MAF: variants seen among roughly 807,000 people sequenced by gnomAD.
The protein encoded by MAF is MAF bZIP transcription factor.
MAF carries 10 observed loss-of-function variants against 22.0 expected under a neutral mutation model. The ratio of observed to expected loss-of-function variants is 0.45; its 90% CI spans 0.28 to 0.77. The LOEUF (loss-of-function observed/expected upper bound fraction) is 0.77, where lower values mean the gene tolerates loss of function less well. Among genes scored for constraint, MAF ranks in the 30% least tolerant of loss-of-function variants. The pLI, the probability that MAF is intolerant of heterozygous loss-of-function variation, is 0.12. For synonymous variants in MAF, 337 were observed against 255.8 expected (o/e 1.32, Z -3.03); for missense variants, 544 against 548.4 (o/e 0.99, Z 0.08).
the MAF span, among the ~76,000 whole-genome samples, chr16:79,236,142 C>T: frequency 6.6e-6 from 1 of 152,066 alleles, no homozygotes; most frequent in East Asian, 1.9e-4. Context: ...ACAATGCAAG[C>T]ATTTGACTTC....
the MAF span, among the ~76,000 whole-genome samples, chr16:79,549,772 C>A: frequency 6.6e-6 from 1 of 152,160 alleles, no homozygotes; most frequent in Non-Finnish European, 1.5e-5. Flanking sequence ...TTTCTACTAA[C>A]CCAGAGAGTT....
the MAF span, among the ~76,000 whole-genome samples, chr16:79,388,086 G>A: frequency 1.3e-5 from 2 of 152,216 alleles, no homozygotes; most frequent in Non-Finnish European, 2.9e-5. Flanking sequence ...CTAGTTCACA[G>A]CGTCCACTCT....
the MAF span, among the ~76,000 whole-genome samples, chr16:79,322,422 G>A: frequency 6.6e-6 from 1 of 152,086 alleles, no homozygotes; most frequent in Non-Finnish European, 1.5e-5. Flanking sequence ...TCTTGATTAT[G>A]CTTGTGATTT....
chr16:79,218,999 G>C, the MAF span, among the ~76,000 whole-genome samples: 11 of 152,188 alleles, frequency 7.2e-5, no homozygotes, highest in African/African-American at 2.7e-4. Context: ...CTTCTTCCCA[G>C]CTGATGCACC....
chr16:79,546,103 G>C, the MAF span, among the ~76,000 whole-genome samples: 112 of 152,060 alleles, frequency 7.4e-4, no homozygotes, highest in African/African-American at 2.4e-3. Context: ...ACAAAATGTG[G>C]TATGAGTGTT....
At chr16:79,460,628 C>G in the MAF span, among the ~76,000 whole-genome samples, 1 of 152,166 alleles carries the variant, frequency 6.6e-6, no homozygotes, top group African/African-American at 2.4e-5. Context: ...TTGGATTCAA[C>G]TTTTCATTTA....
chr16:79,212,290 C>T, the MAF span: 1 of 1,064,098 alleles, frequency 9.4e-7, no homozygotes, highest in Non-Finnish European at 1.3e-6. Flanking sequence ...ACTGAGCCAG[C>T]TTAGCAACTG....
chr16:79,419,861 A>C, the MAF span, among the ~76,000 whole-genome samples: 2 of 152,074 alleles, frequency 1.3e-5, no homozygotes, highest in African/African-American at 4.8e-5. Flanking sequence ...CTTACTTTGC[A>C]AACTTTGCTT....
chr16:79,526,445 C>A, the MAF span, among the ~76,000 whole-genome samples: 1 of 152,122 alleles, frequency 6.6e-6, no homozygotes, highest in Non-Finnish European at 1.5e-5. Context: ...ACACGTGAAG[C>A]TTTGCTGCTG....
At chr16:79,518,271 C>T in the MAF span, among the ~76,000 whole-genome samples, 7 of 152,308 alleles carry the variant, frequency 4.6e-5, no homozygotes, top group African/African-American at 1.7e-4. Context: ...GTGCATGATA[C>T]TGGCAAAGAC....
the MAF span, among the ~76,000 whole-genome samples, chr16:79,234,550 T>G: frequency 6.6e-6 from 1 of 152,064 alleles, no homozygotes; most frequent in South Asian, 2.1e-4. Flanking sequence ...CTGAGTTAGA[T>G]TCATCTATAA....
the MAF span, among the ~76,000 whole-genome samples, chr16:79,224,083 C>G: frequency 6.6e-6 from 1 of 152,148 alleles, no homozygotes; most frequent in African/African-American, 2.4e-5. Flanking sequence ...GCCGATATCC[C>G]TGATGAACAT....
At chr16:79,544,696 C>T in the MAF span, among the ~76,000 whole-genome samples, 1 of 149,844 alleles carries the variant, frequency 6.7e-6, no homozygotes, top group Non-Finnish European at 1.5e-5. Flanking sequence ...TGGCGTGAAC[C>T]CAGGAGGCGG....
At chr16:79,291,198 A>G in the MAF span, among the ~76,000 whole-genome samples, 2 of 152,170 alleles carry the variant, frequency 1.3e-5, no homozygotes, top group African/African-American at 4.8e-5. Flanking sequence ...CCTCTCCTAC[A>G]GAGCATAGGA....
the MAF span, among the ~76,000 whole-genome samples, chr16:79,243,884 T>C: frequency 1.3e-5 from 2 of 152,030 alleles, no homozygotes; most frequent in Admixed American, 6.6e-5. Context: ...AAGTCAGCTT[T>C]ATCCCTGGGA....
At chr16:79,598,253 A>T (rs1484130375) in intron 1 of MAF, 1 of 1,057,882 alleles carries the variant, frequency 9.5e-7, no homozygotes, top group Non-Finnish European at 1.1e-6. Flanking sequence ...AGCAAGCTCT[A>T]AAAGTAAAAT....
the MAF span, among the ~76,000 whole-genome samples, chr16:79,487,472 T>C: frequency 6.6e-6 from 1 of 152,134 alleles, no homozygotes; most frequent in Non-Finnish European, 1.5e-5. Context: ...TAATCTCAAT[T>C]AAAAAATTAA....
At chr16:79,338,483 C>T in the MAF span, among the ~76,000 whole-genome samples, 2 of 152,172 alleles carry the variant, frequency 1.3e-5, no homozygotes. Context: ...CAACAATCTA[C>T]TATGCTTTAG....
chr16:79,486,142 C>G, the MAF span, among the ~76,000 whole-genome samples: 1 of 152,200 alleles, frequency 6.6e-6, no homozygotes, highest in African/African-American at 2.4e-5. Flanking sequence ...ATAACTTTCC[C>G]TGCCAGCTCA....
Sources: allele counts gnomAD v4.1 joint callset (sites outside exome capture counted in the v4.1 genomes callset), GRCh38; gene constraint gnomAD v4.1.1; transcripts MANE v1.5; gene names NCBI Gene and HGNC (gene_info 2026-07-23, HGNC 2026-07-21).